Variants in ZCCHC2 observed in about 807,000 individuals in gnomAD.
ZCCHC2 encodes the protein zinc finger CCHC-type containing 2, also known as zinc finger CCHC domain-containing protein 2.
A neutral mutation model predicts 103.6 loss-of-function variants in ZCCHC2; 39 were observed. That is an observed-to-expected ratio of 0.38 (90% CI 0.29 to 0.49). The LOEUF is 0.49. ZCCHC2 is among the 20% of genes least tolerant of loss of function. ZCCHC2 has a pLI of 0.96. For missense variants in ZCCHC2, 1,483 were observed against 1,491.0 expected, an observed-to-expected ratio of 0.99 and a Z score of 0.09; for synonymous variants, 687 against 608.9, an observed-to-expected ratio of 1.13 and a Z score of -1.89.
In ZCCHC2 at chr18:62,523,394, C is replaced by T; in HGVS notation, c.-31C>T. ...CCTCGCGGCCCCTCCCGCCCGCCCC[C>T]GCTCGCATGTCTGCGCCGCCCTAGC... On this transcript the variant is annotated 5_prime_UTR_variant, in exon 1 of 14. Coordinates refer to ENST00000269499, the MANE Select transcript of ZCCHC2 (RefSeq NM_017742.6). 2.9e-6 allele frequency: 3 copies of T among 1,029,696 alleles called. No individual in the cohort carries two copies. The highest frequency in any genetic ancestry group is 3.5e-6 in the Non-Finnish European group (3 of 859,736). 63.8% of individuals were successfully genotyped at this position (1,029,696 alleles called of 1,614,324 possible).
chr18:62,541,509 A>G (rs1051515766), intron 2 of ZCCHC2, among the ~76,000 whole-genome samples: 1 of 151,874 alleles, frequency 6.6e-6, no homozygotes, highest in African/African-American at 2.4e-5. Flanking sequence ...AAATGAATGA[A>G]TGCCCCTTTT....
rs767890247 is a variant in ZCCHC2, at chr18:62,574,919, G to A, written c.2838G>A (p.Ala946=). 1.3e-5 allele frequency: 21 copies of A among 1,613,664 alleles called. No homozygotes were observed. The East Asian group carries it at 2.9e-4, about 22-fold the overall frequency. The change falls in exon 13 of 14, where the codon GCG becomes GCA. Residue 946 remains alanine (A), a synonymous_variant. Coordinates refer to ENST00000269499, the MANE Select transcript of ZCCHC2 (RefSeq NM_017742.6). ...CAGCAGCAACTTCTCCCCAGCCAGC[G>A]AGCGCAGGTATCAGCCAGGCCCAGG... is the stretch of plus-strand genomic sequence containing the variant. ...LSTAATSPQP[A]SAGISQAQAT... is the part of the protein sequence containing the mutation.
rs1299317161 is a variant in ZCCHC2, at chr18:62,570,230, A to C, written c.1974A>C (p.Arg658Ser). The C allele has an allele frequency of 6.2e-7, 1 of 1,611,126 alleles. No individual in the cohort carries two copies. Among genetic ancestry groups the C allele is most frequent in the East Asian group, 2.2e-5 (1 of 44,796 alleles). ...TTGAAAGTGAAGAAGAGAAAGACAG[A>C]GGTTTGCTCTTTGAAGTGGGAGTAT... ...ESFESEEEKD[R>S]DTDSNSEDSG... The change falls in exon 12 of 14, where the codon AGA (arginine) becomes AGC (serine). Residue 658 changes from arginine to serine, a missense_variant and splice_region_variant. This residue lies in a region of ZCCHC2 where 884 missense variants were observed against 907.5 expected (regional missense o/e 0.97). Transcript: ENST00000269499.
chr18:62,541,660 G>C (rs1319896602), intron 2 of ZCCHC2, among the ~76,000 whole-genome samples: 1 of 152,140 alleles, frequency 6.6e-6, no homozygotes, highest in African/African-American at 2.4e-5. Context: ...TCCTGAAAGT[G>C]TGGTTTCTTC....
chr18:62,557,290 A>C (rs1160995348), intron 6 of ZCCHC2, among the ~76,000 whole-genome samples: 1 of 152,214 alleles, frequency 6.6e-6, no homozygotes, highest in African/African-American at 2.4e-5. Flanking sequence ...AACTTCAGGC[A>C]TAGCTATGGC....
intron 12 of ZCCHC2, among the ~76,000 whole-genome samples, chr18:62,570,595 C>T (rs565805009): frequency 6.6e-6 from 1 of 152,106 alleles, no homozygotes; most frequent in South Asian, 2.1e-4. Flanking sequence ...TTTGGGATAT[C>T]CTTCTTTGTC....
intron 12 of ZCCHC2, among the ~76,000 whole-genome samples, chr18:62,570,543 T>G (rs1568557055): frequency 6.6e-6 from 1 of 152,256 alleles, no homozygotes; most frequent in Non-Finnish European, 1.5e-5. Flanking sequence ...TATGTATGTT[T>G]ATGCTCTTTA....
chr18:62,524,242 C>T lies in ZCCHC2; in HGVS notation c.818C>T (p.Ser273Phe). The change falls in exon 1 of 14, where the codon TCC becomes TTC. Residue 273 changes from serine (S) to phenylalanine (F), a missense_variant. Ser to Phe is a radical substitution (Grantham distance 155). Transcript: ENST00000269499. ...ATGGCCTCGCTGCACCCGGCTTTCT[C>T]CTTCCACCAGCGGGTCACCCTGAGG... ...FTMASLHPAF[S>F]FHQRVTLREH... 6.5e-7 allele frequency: 1 copy of T among 1,550,214 alleles called. No homozygotes were observed.
chr18:62,544,710 A>C, intron 3 of ZCCHC2, 92 bp from the exon 4 acceptor site: 1 of 997,482 alleles, frequency 1.0e-6, no homozygotes, highest in Non-Finnish European at 1.5e-6. Flanking sequence ...AGTAAAATTT[A>C]AGTAAGGCCC....
chr18:62,563,255 A>T, intron 9 of ZCCHC2, 111 bp downstream of exon 9: 1 of 1,321,460 alleles, frequency 7.6e-7, no homozygotes, highest in Non-Finnish European at 1.0e-6. Flanking sequence ...TAAGAAATGA[A>T]GGAATGTTTA....
chr18:62,554,715 T>G (rs533799427), intron 5 of ZCCHC2, among the ~76,000 whole-genome samples: 9 of 152,346 alleles, frequency 5.9e-5, no homozygotes, highest in Admixed American at 4.6e-4. Flanking sequence ...CTAACATGAC[T>G]GGGTGTGGGT....
chr18:62,542,424 A>G (rs1915236025), intron 2 of ZCCHC2, 74 bp from the exon 3 acceptor site: 1 of 1,160,780 alleles, frequency 8.6e-7, no homozygotes, highest in Non-Finnish European at 1.2e-6. Context: ...GTCAACTTTT[A>G]GGGTTACTTT....
chr18:62,523,344 C>T lies in ZCCHC2; in HGVS notation c.-81C>T. 2.0e-6 allele frequency: 2 copies of T among 989,116 alleles called. No individual in the cohort carries two copies. The highest frequency in any genetic ancestry group is 2.4e-6 in the Non-Finnish European group (2 of 833,362). The allele number at this position is 989,116 out of a possible 1,614,324, so 61.3% of individuals were successfully genotyped here. On this transcript the variant is annotated 5_prime_UTR_variant, in exon 1 of 14. Transcript: ENST00000269499. The stretch of plus-strand genomic sequence containing the variant: ...GGAGGGGCCCCGCTCCTGACGGCCG[C>T]GCCGCCGCCTCGGCCCGTGCTCCAC...
At chr18:62,583,177 G>A (rs1303812305), downstream of ZCCHC2, among the ~76,000 whole-genome samples, 3 of 152,136 alleles carry the variant, frequency 2.0e-5, no homozygotes, top group Non-Finnish European at 2.9e-5. Context: ...TCTTTGGATG[G>A]TGAGGAACCT....
At chr18:62,558,096 C>T (rs968335246) in intron 6 of ZCCHC2, among the ~76,000 whole-genome samples, 10 of 150,704 alleles carry the variant, frequency 6.6e-5, no homozygotes, top group African/African-American at 2.4e-4. Context: ...TGAAAACTAG[C>T]GCTGAAAAAA....
intron 1 of ZCCHC2, among the ~76,000 whole-genome samples, chr18:62,529,385 C>T (rs972846206): frequency 1.3e-5 from 2 of 152,092 alleles, no homozygotes; most frequent in African/African-American, 4.8e-5. Flanking sequence ...AGCATAGTGT[C>T]TGGTTCATGG....
intron 12 of ZCCHC2, 77 bp from the exon 13 acceptor site, chr18:62,573,980 A>G: frequency 2.9e-6 from 4 of 1,383,064 alleles, no homozygotes; most frequent in South Asian, 1.4e-5. Flanking sequence ...ACTTTGAGGT[A>G]TACTCAATGT....
intron 1 of ZCCHC2, chr18:62,526,982 G>C (rs548330473): frequency 2.8e-5 from 4 of 143,386 alleles, no homozygotes; most frequent in African/African-American, 1.0e-4. Flanking sequence ...GATAACCCTG[G>C]TAAAGGGAAA....
At position 62,542,548 on chromosome 18, in the gene ZCCHC2, G is replaced by A. The variant is rs761095748; in HGVS notation, c.1102G>A (p.Asp368Asn). The change falls in exon 3 of 14, where the codon GAC becomes AAC. Residue 368 changes from aspartate to asparagine, a missense_variant. By Grantham distance (23) the Asp-to-Asn change is conservative. Transcript: ENST00000269499. ...GAAAGGAGTCCAGAGAAAAAGAGCT[G>A]ACAAATACTGGGAGTACACTTTCAA... is the stretch of plus-strand genomic sequence containing the variant. ...MLKGVQRKRA[D>N]KYWEYTFKVN... 4.7e-5 allele frequency: 73 copies of A among 1,564,680 alleles called. No homozygotes were observed. Among genetic ancestry groups the A allele is most frequent in the Non-Finnish European group, 6.2e-5 (72 of 1,153,250 alleles).
Sources: gnomAD v4.1 joint callset for allele counts (sites outside exome capture counted in the v4.1 genomes callset) on GRCh38, gnomAD v4.1.1 for gene constraint, gnomAD v4.1.1 regional missense constraint, MANE v1.5 for transcripts, NCBI Gene and HGNC (gene_info 2026-07-23, HGNC 2026-07-21) for gene names.